Variants in AMPH observed in about 807,000 individuals in gnomAD.
AMPH encodes amphiphysin.
A neutral mutation model predicts 99.1 loss-of-function variants in AMPH; 49 were observed. The observed-to-expected ratio is 0.49, with a 90% CI of 0.39 to 0.63. AMPH has a LOEUF of 0.63. Ranked by LOEUF, AMPH falls within the 20% of genes least tolerant of loss-of-function variation. AMPH has a pLI of 0.00. For missense variants in AMPH, 759 were observed against 863.4 expected (o/e 0.88, Z 1.52); for synonymous variants, 314 against 317.3 (o/e 0.99, Z 0.11).
At chr7:38,592,781 G>A (rs1384680677) in intron 1 of AMPH, among the ~76,000 whole-genome samples, 1 of 151,762 alleles carries the variant, frequency 6.6e-6, no homozygotes, top group Admixed American at 6.6e-5. Context: ...CTCACCTGGT[G>A]ATCCTGGGCC....
chr7:38,610,260 A>G (rs6462852), intron 1 of AMPH, among the ~76,000 whole-genome samples: 777 of 11,048 alleles, frequency 0.07, 135 homozygotes, highest in African/African-American at 0.13. Flanking sequence ...AAAAAAAAAA[A>G]AAAGAAAGAA....
intron 1 of AMPH, among the ~76,000 whole-genome samples, chr7:38,559,854 C>T (rs560708318): frequency 2.0e-5 from 3 of 152,274 alleles, no homozygotes; most frequent in African/African-American, 7.2e-5. Context: ...TCAGGAGATC[C>T]CATCATGCTC....
At chr7:38,439,062 A>C (rs1029959877) in intron 11 of AMPH, among the ~76,000 whole-genome samples, 3 of 152,130 alleles carry the variant, frequency 2.0e-5, no homozygotes, top group African/African-American at 7.2e-5. Context: ...ATGAGTTCTC[A>C]TGAGAGTTGA....
intron 20 of AMPH, among the ~76,000 whole-genome samples, chr7:38,387,227 C>G (rs1584023259): frequency 6.6e-6 from 1 of 152,172 alleles, no homozygotes; most frequent in South Asian, 2.1e-4. Flanking sequence ...TGTCTAGTAT[C>G]AATTAAAAAA....
chr7:38,385,382 C>T (rs928547536), intron 20 of AMPH, among the ~76,000 whole-genome samples: 9 of 152,102 alleles, frequency 5.9e-5, no homozygotes, highest in Non-Finnish European at 1.2e-4. Context: ...GAATGGAATA[C>T]TGATGAGGCC....
At chr7:38,456,927 AC>A (rs976234292) in intron 11 of AMPH, among the ~76,000 whole-genome samples, 3 of 152,154 alleles carry the variant, frequency 2.0e-5, no homozygotes, top group African/African-American at 7.2e-5. Context: ...GCAAAACTTT[AC>A]CCTGGCCCCC....
intron 2 of AMPH, among the ~76,000 whole-genome samples, chr7:38,505,000 T>C (rs560855501): frequency 5.9e-5 from 9 of 152,322 alleles, no homozygotes; most frequent in South Asian, 2.1e-4. Flanking sequence ...TTGTTAGTAT[T>C]TGCCCAAAAG....
intron 18 of AMPH, among the ~76,000 whole-genome samples, chr7:38,393,750 TTTCCCA>T (rs1562723596): frequency 6.6e-6 from 1 of 152,212 alleles, no homozygotes; most frequent in Non-Finnish European, 1.5e-5. Context: ...GTCACCCCAG[TTTCCCA>T]TTCCCGTTTC....
At chr7:38,562,639 TGA>T (rs1791594979) in intron 1 of AMPH, among the ~76,000 whole-genome samples, 1 of 149,918 alleles carries the variant, frequency 6.7e-6, no homozygotes, top group Non-Finnish European at 1.5e-5. Context: ...AAAGGAATCA[TGA>T]TATGAGCACA....
chr7:38,436,287 G>A lies in AMPH; in HGVS notation c.1119C>T (p.His373=), dbSNP rs1483925443. The change falls in exon 12 of 21, where the codon CAC becomes CAT. Residue 373 remains histidine, a synonymous_variant. Coordinates refer to ENST00000356264, the MANE Select transcript of AMPH (RefSeq NM_001635.4). ...CACCTGATACCTGAGACATGGGTGAGTGGGTCACTCCAGCAGAACCTGCAG... is the reference window on the plus strand; with the variant it reads ...CACCTGATACCTGAGACATGGGTGAATGGGTCACTCCAGCAGAACCTGCAG... The part of the protein sequence containing the change: ...VTPAGSAGVT[H]SPMSQTLPWD... 2.5e-6 allele frequency: 4 copies of A among 1,613,948 alleles called. No individual in the cohort carries two copies. The Admixed American group carries it at 5.0e-5, about 20-fold the overall frequency.
chr7:38,518,228 TC>T (rs1359559756), intron 2 of AMPH, among the ~76,000 whole-genome samples: 4 of 152,170 alleles, frequency 2.6e-5, no homozygotes, highest in Admixed American at 2.0e-4. Flanking sequence ...CCATAATATT[TC>T]AAAGGATTTC....
chr7:38,582,070 T>C (rs529457688), intron 1 of AMPH, among the ~76,000 whole-genome samples: 9 of 152,010 alleles, frequency 5.9e-5, no homozygotes, highest in African/African-American at 1.9e-4. Context: ...TTGAATGATG[T>C]CCCCACAGAG....
chr7:38,540,692 C>CAAAAAAAAAAAAAAAAAAAAA lies in AMPH; in HGVS notation c.70-5702_70-5682dup, dbSNP rs373768495. Among the ~76,000 whole-genome samples the CAAAAAAAAAAAAAAAAAAAAA allele has an allele frequency of 1.0e-4, 2 of 19,752 alleles. 1 individual carries two copies. The highest frequency in any genetic ancestry group is 1.8e-4 in the Non-Finnish European group (2 of 11,196). The allele number at this position is 19,752 out of a possible 152,430, so 13.0% of individuals were successfully genotyped here. A position where few individuals can be genotyped will look rare whatever the true frequency, so the allele number is the denominator to read the frequency against. ...AGCTATGAGAAGGTGTGACCCCAAG[C>CAAAAAAAAAAAAAAAAAAAAA]AAAAAAAAAAAAAAAAAAAAAAAAA... is the stretch of plus-strand genomic sequence containing the variant. On this transcript the variant is annotated intron_variant, in intron 1 of 20. Coordinates refer to ENST00000356264, the MANE Select transcript of AMPH (RefSeq NM_001635.4).
chr7:38,527,269 G>A (rs568284183), intron 2 of AMPH, among the ~76,000 whole-genome samples: 24 of 152,306 alleles, frequency 1.6e-4, no homozygotes, highest in African/African-American at 5.5e-4. Context: ...TTTAGAATAA[G>A]TTTATCTATG....
intron 15 of AMPH, among the ~76,000 whole-genome samples, chr7:38,424,327 A>T (rs1327673714): frequency 6.6e-6 from 1 of 152,284 alleles, no homozygotes; most frequent in Non-Finnish European, 1.5e-5. Context: ...GAGATGGAAT[A>T]GAAAGGGTTA....
At chr7:38,553,247 A>G (rs1791241569) in intron 1 of AMPH, among the ~76,000 whole-genome samples, 1 of 152,146 alleles carries the variant, frequency 6.6e-6, no homozygotes, top group South Asian at 2.1e-4. Flanking sequence ...CCTCAACTCC[A>G]CTGTGGATTC....
intron 11 of AMPH, among the ~76,000 whole-genome samples, chr7:38,453,679 A>G (rs1479606247): frequency 6.6e-6 from 1 of 152,204 alleles, no homozygotes; most frequent in African/African-American, 2.4e-5. Flanking sequence ...TTACTTCACA[A>G]TGAGTCTGCA....
At chr7:38,538,444 G>A (rs779804991) in intron 1 of AMPH, among the ~76,000 whole-genome samples, 8 of 152,176 alleles carry the variant, frequency 5.3e-5, no homozygotes, top group African/African-American at 1.9e-4. Flanking sequence ...TGGAACTGGA[G>A]TGGACAAGGG....
intron 2 of AMPH, among the ~76,000 whole-genome samples, chr7:38,518,645 T>C (rs1298817187): frequency 6.6e-6 from 1 of 152,212 alleles, no homozygotes; most frequent in Non-Finnish European, 1.5e-5. Context: ...TTGTATTTTA[T>C]AAGTAGATAA....
Sources: gnomAD v4.1 joint callset for allele counts (sites outside exome capture counted in the v4.1 genomes callset) on GRCh38, gnomAD v4.1.1 for gene constraint, MANE v1.5 for transcripts, NCBI Gene and HGNC (gene_info 2026-07-23, HGNC 2026-07-21) for gene names.